The following MYO16 variants were observed in gnomAD, a reference collection of about 807,000 sequenced individuals.
The protein encoded by MYO16 is unconventional myosin-XVI.
Under a neutral mutation model 205.3 loss-of-function variants are expected in MYO16, and 94 were observed. The observed-to-expected ratio is 0.46, with a 90% confidence interval of 0.39 to 0.54. The LOEUF is 0.54. MYO16 is among the 20% of genes least tolerant of loss of function. The pLI, the probability that MYO16 is intolerant of heterozygous loss-of-function variation, is 0.00. For missense variants in MYO16, 2,315 were observed against 2,387.5 expected (o/e 0.97, Z 0.63); for synonymous variants, 988 against 954.0 (o/e 1.04, Z -0.66).
At chr13:108,729,627 C>T (rs76828564) in intron 4 of MYO16, among the ~76,000 whole-genome samples, 5,156 of 152,158 alleles carry the variant, frequency 0.034, 262 homozygotes, top group African/African-American at 0.12. Flanking sequence ...TGCAAAATGG[C>T]CATACTTATT....
In MYO16 at chr13:109,045,956, C is replaced by T. The variant is rs1405793312; in HGVS notation, c.2797-960C>T. ...CATAACTCTTATACTCCCGCATGGC[C>T]GAGGCACACTCTCCCTCAGGCGAGG... is the stretch of plus-strand genomic sequence containing the variant. On this transcript the variant is annotated intron_variant, in intron 23 of 34. Coordinates refer to ENST00000457511, the MANE Select transcript of MYO16 (RefSeq NM_001198950.3). Among the ~76,000 whole-genome samples the T allele has an allele frequency of 2.6e-5, 4 of 152,032 alleles. No homozygotes were observed. In the East Asian group the frequency reaches 5.8e-4, roughly 22 times the overall value.
intron 1 of MYO16, among the ~76,000 whole-genome samples, chr13:108,610,652 A>T (rs1249478076): frequency 6.6e-6 from 1 of 152,206 alleles, no homozygotes; most frequent in Non-Finnish European, 1.5e-5. Flanking sequence ...GCTGCCATTT[A>T]TAGTAAATCC....
intron 27 of MYO16, among the ~76,000 whole-genome samples, chr13:109,080,127 A>T (rs7492220): frequency 6.6e-6 from 1 of 151,804 alleles, no homozygotes; most frequent in Non-Finnish European, 1.5e-5. Flanking sequence ...CACCCACCTC[A>T]GCCTCCCAAA....
At chr13:108,636,201 A>G (rs984546084) in intron 1 of MYO16, among the ~76,000 whole-genome samples, 2 of 152,136 alleles carry the variant, frequency 1.3e-5, no homozygotes, top group African/African-American at 2.4e-5. Flanking sequence ...TGTATTCATT[A>G]TCTTAGCTTT....
intron 2 of MYO16, among the ~76,000 whole-genome samples, chr13:108,709,301 T>C (rs1883634650): frequency 6.6e-6 from 1 of 152,198 alleles, no homozygotes; most frequent in Non-Finnish European, 1.5e-5. Flanking sequence ...ATTTGGGTAA[T>C]TTCCCACACA....
In MYO16 at chr13:109,147,266, A is replaced by G. The variant is rs1260907377; in HGVS notation, c.5164+5890A>G. On this transcript the variant is annotated intron_variant, in intron 32 of 34. Transcript: ENST00000457511. ...ACACGCAATTGCATCCTAAGTCAAT[A>G]TCATATGGGTTTCAGATGTTTCTAT... Among the ~76,000 whole-genome samples, 3 of 152,186 alleles carry G rather than the reference A, an allele frequency of 2.0e-5. No homozygotes were observed. In the East Asian group the frequency reaches 5.8e-4, roughly 29 times the overall value.
intron 6 of MYO16, among the ~76,000 whole-genome samples, chr13:108,797,144 G>A (rs1408842479): frequency 6.6e-6 from 1 of 152,102 alleles, no homozygotes; most frequent in African/African-American, 2.4e-5. Context: ...CAGTGTGATG[G>A]AGATGGCATC....
intron 4 of MYO16, among the ~76,000 whole-genome samples, chr13:108,736,606 G>T (rs957224632): frequency 2.6e-5 from 4 of 152,168 alleles, no homozygotes; most frequent in African/African-American, 9.7e-5. Flanking sequence ...TTTTTGCTTA[G>T]GATTGTCTTG....
At chr13:109,180,348 C>T (rs974064953) in intron 34 of MYO16, among the ~76,000 whole-genome samples, 2 of 152,126 alleles carry the variant, frequency 1.3e-5, no homozygotes, top group African/African-American at 4.8e-5. Context: ...TTAAAATATA[C>T]TTTAAATAAT....
chr13:109,072,722 G>A (rs1484655368), intron 27 of MYO16, among the ~76,000 whole-genome samples: 1 of 152,124 alleles, frequency 6.6e-6, no homozygotes, highest in Non-Finnish European at 1.5e-5. Flanking sequence ...GCGGAGTTGG[G>A]CCTGTGCAGT....
intron 2 of MYO16, among the ~76,000 whole-genome samples, chr13:108,710,777 T>G (rs1883688518): frequency 6.6e-6 from 1 of 152,250 alleles, no homozygotes. Context: ...CATAAAAATC[T>G]GATTGCATTT....
chr13:108,963,539 T>C (rs992150156), intron 19 of MYO16, among the ~76,000 whole-genome samples: 1 of 152,202 alleles, frequency 6.6e-6, no homozygotes, highest in African/African-American at 2.4e-5. Context: ...GTTCCTCTTT[T>C]ATCTCACCTT....
intron 2 of MYO16, among the ~76,000 whole-genome samples, chr13:108,667,647 G>A (rs1267118838): frequency 6.6e-6 from 1 of 152,186 alleles, no homozygotes; most frequent in Non-Finnish European, 1.5e-5. Flanking sequence ...AGAGAGTAAA[G>A]TGATTGGTTC....
At chr13:109,113,500 A>G (rs1448996383) in intron 28 of MYO16, among the ~76,000 whole-genome samples, 6 of 152,240 alleles carry the variant, frequency 3.9e-5, no homozygotes, top group African/African-American at 1.4e-4. Flanking sequence ...TGAGATTGAT[A>G]TTTAGAAAGA....
intron 9 of MYO16, among the ~76,000 whole-genome samples, chr13:108,824,958 G>A (rs1197872127): frequency 3.9e-5 from 6 of 151,992 alleles, no homozygotes; most frequent in Admixed American, 2.0e-4. Flanking sequence ...ACATGGCTTC[G>A]AGGCTGAATT....
At chr13:108,544,274 A>C in the MYO16 span, among the ~76,000 whole-genome samples, 1 of 152,144 alleles carries the variant, frequency 6.6e-6, no homozygotes, top group Non-Finnish European at 1.5e-5. Flanking sequence ...AATCAGGAAC[A>C]ATCACCAGAT....
At chr13:109,105,091 C>G (rs1323124247) in intron 28 of MYO16, among the ~76,000 whole-genome samples, 1 of 152,216 alleles carries the variant, frequency 6.6e-6, no homozygotes, top group Non-Finnish European at 1.5e-5. Context: ...CACTCTGTGC[C>G]TGGATGCTGG....
intron 23 of MYO16, among the ~76,000 whole-genome samples, chr13:109,043,951 T>C (rs1226441160): frequency 2.6e-5 from 4 of 152,204 alleles, no homozygotes; most frequent in African/African-American, 9.7e-5. Context: ...AAAAGATTTC[T>C]AACAGTTACT....
intron 4 of MYO16, among the ~76,000 whole-genome samples, chr13:108,735,393 A>G (rs539741548): frequency 1.1e-4 from 16 of 151,200 alleles, no homozygotes; most frequent in Middle Eastern, 3.4e-3. Context: ...TAATTTGCTC[A>G]GAATGATCAT....
Sources: allele counts gnomAD v4.1 joint callset (sites outside exome capture counted in the v4.1 genomes callset), GRCh38; gene constraint gnomAD v4.1.1; transcripts MANE v1.5; gene names NCBI Gene and HGNC (gene_info 2026-07-23, HGNC 2026-07-21).